PTPRN2: variants seen among roughly 807,000 people sequenced by gnomAD.
PTPRN2 encodes protein tyrosine phosphatase receptor type N2, also known as receptor-type tyrosine-protein phosphatase N2.
PTPRN2 carries 74 observed loss-of-function variants against 118.8 expected under a neutral mutation model. The observed-to-expected ratio is 0.62, with a 90% CI of 0.52 to 0.76. PTPRN2 has a LOEUF of 0.76. Ranked by LOEUF, PTPRN2 falls within the 30% of genes least tolerant of loss-of-function variation. The probability of loss-of-function intolerance (pLI) is 0.00; values close to 1 mark genes in which losing one functional copy is unlikely to be tolerated. For missense variants in PTPRN2, 1,481 were observed against 1,394.4 expected (o/e 1.06, Z -0.99); for synonymous variants, 641 against 608.0 (o/e 1.05, Z -0.80).
At chr7:157,864,573 A>G (rs1203830992) in intron 12 of PTPRN2, 2 of 152,372 alleles carry the variant, frequency 1.3e-5, no homozygotes, top group Non-Finnish European at 2.9e-5. Context: ...TGGGGCCGCC[A>G]CCCTGTGGTG....
intron 3 of PTPRN2, among the ~76,000 whole-genome samples, chr7:158,295,809 C>G (rs573508972): frequency 6.6e-6 from 1 of 152,276 alleles, no homozygotes; most frequent in South Asian, 2.1e-4. Flanking sequence ...AGGGTCCAAG[C>G]CCACGGCGCC....
chr7:157,998,360 C>T (rs980549155), intron 11 of PTPRN2, among the ~76,000 whole-genome samples: 31 of 152,142 alleles, frequency 2.0e-4, no homozygotes, highest in Admixed American at 1.8e-3. Flanking sequence ...AGGGCTGGCC[C>T]GGAGGCTCCT....
intron 12 of PTPRN2, among the ~76,000 whole-genome samples, chr7:157,867,892 G>C (rs1810809462): frequency 6.6e-6 from 1 of 152,160 alleles, no homozygotes. Flanking sequence ...CGCAGGCGTG[G>C]TGGAGGTGTG....
At chr7:158,272,330 G>A (rs1184971975) in intron 3 of PTPRN2, among the ~76,000 whole-genome samples, 1 of 152,204 alleles carries the variant, frequency 6.6e-6, no homozygotes, top group African/African-American at 2.4e-5. Flanking sequence ...CAACTGCCCG[G>A]TACCAACGGT....
intron 13 of PTPRN2, among the ~76,000 whole-genome samples, chr7:157,680,671 G>A (rs768077693): frequency 6.6e-6 from 1 of 152,168 alleles, no homozygotes; most frequent in Non-Finnish European, 1.5e-5. Flanking sequence ...CCACCGTGAT[G>A]GGGCAAACCC....
At chr7:158,083,640 G>C (rs896131154) in intron 10 of PTPRN2, among the ~76,000 whole-genome samples, 4 of 152,204 alleles carry the variant, frequency 2.6e-5, no homozygotes, top group African/African-American at 9.6e-5. Context: ...CACACAGCCC[G>C]TGTCCTTTCT....
rs149910465 is a variant in PTPRN2 at position 158,032,115 on chromosome 7, T to C, written c.1723+49183A>G. Among the ~76,000 whole-genome samples, 245 of 152,320 alleles carry C rather than the reference T, an allele frequency of 1.6e-3. 3 individuals carry two copies. The highest frequency in any genetic ancestry group is 2.6e-3 in the Non-Finnish European group (176 of 68,024). ...CCAGCTGCTGTGTGGAGTCTTCGGCTTCCCTTTCGGAAACCTGCCCCCACG... is the reference window on the plus strand; with the variant it reads ...CCAGCTGCTGTGTGGAGTCTTCGGCCTCCCTTTCGGAAACCTGCCCCCACG... On this transcript the variant is annotated intron_variant, in intron 11 of 22. Transcript: ENST00000389418.
intron 14 of PTPRN2, among the ~76,000 whole-genome samples, chr7:157,624,542 C>T (rs1803457275): frequency 6.6e-6 from 1 of 152,188 alleles, no homozygotes; most frequent in Admixed American, 6.5e-5. Flanking sequence ...CCATCTCACA[C>T]AAAGCCTACT....
At chr7:158,181,841 A>G (rs985863594) in intron 5 of PTPRN2, among the ~76,000 whole-genome samples, 19 of 152,252 alleles carry the variant, frequency 1.2e-4, no homozygotes, top group African/African-American at 4.6e-4. Flanking sequence ...ATGGTCCATC[A>G]ATTTTGTTTA....
chr7:157,559,877 C>T (rs116055832), intron 21 of PTPRN2, among the ~76,000 whole-genome samples: 2,525 of 152,238 alleles, frequency 0.017, 58 homozygotes, highest in African/African-American at 0.058. Context: ...TCTCAGGGGC[C>T]GCCTGCTGCC....
chr7:158,226,434 C>T (rs115189381), intron 3 of PTPRN2, among the ~76,000 whole-genome samples: 2,215 of 152,206 alleles, frequency 0.015, 44 homozygotes, highest in African/African-American at 0.048. Context: ...TGGGTGGGGA[C>T]GACGTTTGTT....
chr7:158,458,458 C>A (rs1241890773), intron 2 of PTPRN2, among the ~76,000 whole-genome samples: 1 of 152,120 alleles, frequency 6.6e-6, no homozygotes, highest in African/African-American at 2.4e-5. Flanking sequence ...AGAGGTGTGG[C>A]CTGACCACCC....
intron 2 of PTPRN2, among the ~76,000 whole-genome samples, chr7:158,340,919 C>T (rs1195644153): frequency 1.1e-5 from 1 of 90,670 alleles, no homozygotes; most frequent in African/African-American, 3.9e-5. Context: ...GTCACACCCA[C>T]ACACGTCAAT....
chr7:158,285,611 C>T (rs1799716719), intron 3 of PTPRN2, among the ~76,000 whole-genome samples: 1 of 152,226 alleles, frequency 6.6e-6, no homozygotes, highest in African/African-American at 2.4e-5. Flanking sequence ...TCCACAGCTT[C>T]TCCTCATCAG....
intron 2 of PTPRN2, among the ~76,000 whole-genome samples, chr7:158,443,581 C>G (rs1817514777): frequency 6.6e-6 from 1 of 152,054 alleles, no homozygotes; most frequent in African/African-American, 2.4e-5. Context: ...GGCGACTCCT[C>G]CCAACAGGGG....
intron 11 of PTPRN2, among the ~76,000 whole-genome samples, chr7:157,914,916 C>T (rs994403617): frequency 6.6e-6 from 1 of 152,098 alleles, no homozygotes; most frequent in Non-Finnish European, 1.5e-5. Flanking sequence ...CTAATTCTCT[C>T]TTCAACTATA....
At chr7:158,260,367 T>TG in intron 3 of PTPRN2, among the ~76,000 whole-genome samples, 1 of 152,336 alleles carries the variant, frequency 6.6e-6, no homozygotes, top group South Asian at 2.1e-4. Flanking sequence ...AATAATTCCA[T>TG]GGGGAAATAA....
chr7:157,878,494 A>T (rs1795922873), intron 12 of PTPRN2, among the ~76,000 whole-genome samples: 1 of 144,120 alleles, frequency 6.9e-6, no homozygotes, highest in Non-Finnish European at 1.5e-5. Flanking sequence ...GATACCGTGC[A>T]CCCACGCTTA....
rs1316630526 is a variant in PTPRN2 at position 157,787,188 on chromosome 7, C to G, written c.1789-104251G>C. Among the ~76,000 whole-genome samples, 1 of 150,670 alleles carries G rather than the reference C, an allele frequency of 6.6e-6. No individual in the cohort carries two copies. Among genetic ancestry groups the G allele is most frequent in the Non-Finnish European group, 1.5e-5 (1 of 67,210 alleles). ...GGCGGGGGACGCGGGGGTGGCTGCC[C>G]GGGACTGGCTCTTCTGGAAGCAATT... On this transcript the variant is annotated intron_variant, in intron 12 of 22. Transcript: ENST00000389418. The surrounding 1 kb of genome is among the most constrained non-coding windows in gnomAD (Gnocchi z 5.3).
Sources: allele counts gnomAD v4.1 joint callset (sites outside exome capture counted in the v4.1 genomes callset), GRCh38; gene constraint gnomAD v4.1.1; non-coding constraint Gnocchi (gnomAD v3.1); transcripts MANE v1.5; gene names NCBI Gene and HGNC (gene_info 2026-07-23, HGNC 2026-07-21).